The following HNRNPR variants were observed in gnomAD, a reference collection of about 807,000 sequenced individuals.
HNRNPR encodes heterogeneous nuclear ribonucleoprotein R.
In HNRNPR, 4 loss-of-function variants were observed where a neutral mutation model predicts 70.3. The ratio of observed to expected loss-of-function variants is 0.06; its 90% CI spans 0.03 to 0.13. HNRNPR has a LOEUF of 0.13. Among genes scored for constraint, HNRNPR ranks in the 10% least tolerant of loss-of-function variants. The probability of loss-of-function intolerance (pLI) is 1.00; values close to 1 mark genes in which losing one functional copy is unlikely to be tolerated. For synonymous variants in HNRNPR, 241 were observed against 267.6 expected (o/e 0.90, Z 0.97); for missense variants, 423 against 788.5 (o/e 0.54, Z 5.55).
chr1:23,323,822 CAGA>C (rs1645851928), intron 5 of HNRNPR, 90 bp from the exon 6 acceptor site: 33 of 985,878 alleles, frequency 3.3e-5, no homozygotes, highest in Non-Finnish European at 5.1e-5. Flanking sequence ...AAGATGGGGG[CAGA>C]AGAAGATGGT....
chr1:23,329,667 C>T (rs762485823), intron 5 of HNRNPR, among the ~76,000 whole-genome samples: 7 of 152,150 alleles, frequency 4.6e-5, no homozygotes, highest in Non-Finnish European at 8.8e-5. Context: ...GTACTTGCTC[C>T]GTCACCCAGG....
intron 4 of HNRNPR, among the ~76,000 whole-genome samples, chr1:23,336,450 T>C (rs1164078957): frequency 2.0e-5 from 3 of 151,186 alleles, no homozygotes; most frequent in Admixed American, 1.3e-4. Context: ...CAGGCACCTG[T>C]GGTCCCAGCT....
rs766971961 is a variant in HNRNPR at position 23,311,011 on chromosome 1, G to A, written c.1345C>T (p.Arg449Trp). Residue 449 changes from arginine to tryptophan, a missense_variant, in exon 11 of 11, where the codon CGG becomes TGG. Around this residue, in one of 7 missense-constraint regions of HNRNPR, gnomAD observed 169 missense variants for 195.6 expected, o/e 0.86. Transcript: ENST00000302271. Reference protein sequence around the residue: ...PPRMPPPIRGRGRGGGRGGYG... With the variant: ...PPRMPPPIRGWGRGGGRGGYG... Reference sequence around the variant, plus strand: ...CCACCTCTCCCCCCACCACGACCCCGACCTCTAATTGGAGGTGGCATGCGA... The same window carrying A: ...CCACCTCTCCCCCCACCACGACCCCAACCTCTAATTGGAGGTGGCATGCGA... 5.6e-6 allele frequency: 9 copies of A among 1,614,038 alleles called. No individual in the cohort carries two copies. Among genetic ancestry groups the A allele is most frequent in the East Asian group, 4.5e-5 (2 of 44,882 alleles).
At chr1:23,341,487 G>T (rs1011544368) in intron 1 of HNRNPR, among the ~76,000 whole-genome samples, 6 of 151,996 alleles carry the variant, frequency 3.9e-5, no homozygotes, top group Non-Finnish European at 1.5e-5. Flanking sequence ...ATACAGTATC[G>T]GTGTGAAATA....
At chr1:23,312,629 A>T (rs1255665440) in intron 9 of HNRNPR, among the ~76,000 whole-genome samples, 2 of 152,224 alleles carry the variant, frequency 1.3e-5, no homozygotes, top group East Asian at 3.8e-4. Flanking sequence ...CTCATTAATT[A>T]GCTACCATCA....
intron 6 of HNRNPR, 93 bp downstream of exon 6, chr1:23,323,463 G>A: frequency 8.4e-7 from 1 of 1,190,248 alleles, no homozygotes; most frequent in Non-Finnish European, 1.2e-6. Flanking sequence ...AACAACTGAA[G>A]AAATCAAAAT....
chr1:23,306,480 C>G lies in HNRNPR; in HGVS notation c.*3974G>C, dbSNP rs955598121. On this transcript the variant is annotated 3_prime_UTR_variant, in exon 11 of 11. Transcript: ENST00000302271. ...AAGTCGACATCATGACATGTCAGGT[C>G]AGGGCAGCCTCAACCTCGCTTCCCT... is the stretch of plus-strand genomic sequence containing the variant. 6.6e-6 allele frequency: 1 copy of G among 151,842 alleles called. No homozygotes were observed. Among genetic ancestry groups the G allele is most frequent in the African/African-American group, 2.4e-5 (1 of 41,342 alleles). 9.4% of individuals were successfully genotyped at this position (151,842 alleles called of 1,614,324 possible).
Position 23,323,296 on chromosome 1 carries a change from A to AAACTTCTGATATCAATCTAATAGAT in HNRNPR, c.675+235_675+259dup, listed in dbSNP as rs369970388. 8.6e-3 allele frequency among the ~76,000 whole-genome samples: 1,317 copies of AAACTTCTGATATCAATCTAATAGAT among 152,268 alleles called. 14 individuals are homozygous for AAACTTCTGATATCAATCTAATAGAT. Among genetic ancestry groups the AAACTTCTGATATCAATCTAATAGAT allele is most frequent in the African/African-American group, 0.03 (1,259 of 41,526 alleles). Reference sequence around the variant, plus strand: ...AATGCATAAGCCAAATACTCATATGAAACTTCTGATATCAATCTAATAGAT... The same window carrying AAACTTCTGATATCAATCTAATAGAT: ...AATGCATAAGCCAAATACTCATATGAAACTTCTGATATCAATCTAATAGATAACTTCTGATATCAATCTAATAGAT... On this transcript the variant is annotated intron_variant, in intron 6 of 10. Coordinates refer to ENST00000302271, the MANE Select transcript of HNRNPR (RefSeq NM_005826.5).
chr1:23,343,307 G>A (rs1445311055), intron 1 of HNRNPR, among the ~76,000 whole-genome samples: 6 of 152,192 alleles, frequency 3.9e-5, no homozygotes, highest in Non-Finnish European at 7.3e-5. Flanking sequence ...TTCATATTAA[G>A]AGACGGGCTT....
rs765435170 is a variant in HNRNPR, at chr1:23,310,916, G to A, written c.1440C>T (p.His480=). ...GATCTTCATAGCCTCCACGATAGTCGTGATAATCATAACCATAGTAATCAT... is the reference window on the plus strand; with the variant it reads ...GATCTTCATAGCCTCCACGATAGTCATGATAATCATAACCATAGTAATCAT... ...YYDDYYGYDY[H]DYRGGYEDPY... Residue 480 remains histidine, a synonymous_variant, in exon 11 of 11, where the codon CAC becomes CAT. Coordinates refer to ENST00000302271, the MANE Select transcript of HNRNPR (RefSeq NM_005826.5). The surrounding 1 kb of genome is among the most constrained non-coding windows in gnomAD (Gnocchi z 6.0). The A allele has an allele frequency of 9.9e-6, 16 of 1,613,912 alleles. No individual in the cohort carries two copies. Among genetic ancestry groups the A allele is most frequent in the East Asian group, 4.5e-5 (2 of 44,888 alleles).
At chr1:23,323,432 C>G in intron 6 of HNRNPR, 124 bp downstream of exon 6, 1 of 817,610 alleles carries the variant, frequency 1.2e-6, no homozygotes, top group Non-Finnish European at 1.9e-6. Context: ...CCAACTTGGT[C>G]AGTATAAAAA....
intron 8 of HNRNPR, among the ~76,000 whole-genome samples, chr1:23,315,279 CAAAAAAAAAAAAAAA>C: frequency 2.8e-5 from 1 of 35,392 alleles, no homozygotes; most frequent in South Asian, 9.9e-4. Flanking sequence ...GGCTCCGTCT[CAAAAAAAAAAAAAAA>C]AAAAAAAAAA....
At chr1:23,325,939 T>C (rs1039959827) in intron 5 of HNRNPR, among the ~76,000 whole-genome samples, 3 of 152,168 alleles carry the variant, frequency 2.0e-5, no homozygotes, top group Non-Finnish European at 4.4e-5. Context: ...TGGCTCACTA[T>C]ATCCTCACAC....
intron 5 of HNRNPR, among the ~76,000 whole-genome samples, chr1:23,332,121 G>A (rs1646257824): frequency 6.6e-6 from 1 of 151,834 alleles, no homozygotes; most frequent in African/African-American, 2.4e-5. Flanking sequence ...GACAGAGCGA[G>A]ACTGAATGGA....
chr1:23,310,810 T>A lies in HNRNPR; in HGVS notation c.1546A>T (p.Arg516Trp), dbSNP rs879175654. 1 of 1,613,856 alleles carries A rather than the reference T, an allele frequency of 6.2e-7. No homozygotes were observed. Among genetic ancestry groups the A allele is most frequent in the Non-Finnish European group, 8.5e-7 (1 of 1,179,926 alleles). The change falls in exon 11 of 11, where the codon AGG becomes TGG. Residue 516 changes from arginine to tryptophan, a missense_variant. Physicochemically the swap from Arg to Trp is moderately radical, Grantham distance 101. Transcript: ENST00000302271. The surrounding 1 kb of genome is among the most constrained non-coding windows in gnomAD (Gnocchi z 6.0). ...RGGRGAPPPP[R>W]GRGAPPPRGR... Reference sequence around the variant, plus strand: ...CTTGGAGGTGGTGCTCCCCTCCCCCTTGGTGGTGGTGGAGCACCTCGCCCT... The same window carrying A: ...CTTGGAGGTGGTGCTCCCCTCCCCCATGGTGGTGGTGGAGCACCTCGCCCT...
intron 5 of HNRNPR, among the ~76,000 whole-genome samples, chr1:23,327,940 T>C (rs1002982262): frequency 2.0e-5 from 3 of 147,980 alleles, no homozygotes; most frequent in African/African-American, 7.5e-5. Context: ...GAAGTATCAC[T>C]TGAGGCCAGC....
rs879082780 is a variant in HNRNPR at position 23,323,807 on chromosome 1, T to G, written c.499-75A>C. ...AGCCATAAAGCCTACTGCCTTTTTT[T>G]TTTAAAGATGGGGGCAGAAGAAGAT... On this transcript the variant is annotated intron_variant, in intron 5 of 10. Transcript: ENST00000302271. 8 of 1,200,368 alleles carry G rather than the reference T, an allele frequency of 6.7e-6. 1 individual carries two copies. The South Asian group carries it at 7.8e-5, about 12-fold the overall frequency. 74.4% of individuals were successfully genotyped at this position (1,200,368 alleles called of 1,614,324 possible).
intron 4 of HNRNPR, among the ~76,000 whole-genome samples, chr1:23,336,394 T>C (rs938041236): frequency 2.7e-5 from 4 of 150,418 alleles, no homozygotes; most frequent in African/African-American, 9.8e-5. Flanking sequence ...TGAAACCCTG[T>C]CTCTACTAAA....
At chr1:23,326,635 A>C (rs1645987038) in intron 5 of HNRNPR, among the ~76,000 whole-genome samples, 1 of 152,046 alleles carries the variant, frequency 6.6e-6, no homozygotes, top group Admixed American at 6.6e-5. Flanking sequence ...AAATACAAAA[A>C]TTGGCCAGGC....
Sources: allele counts gnomAD v4.1 joint callset (sites outside exome capture counted in the v4.1 genomes callset), GRCh38; gene constraint gnomAD v4.1.1; regional missense constraint gnomAD v4.1.1; non-coding constraint Gnocchi (gnomAD v3.1); transcripts MANE v1.5; gene names NCBI Gene and HGNC (gene_info 2026-07-23, HGNC 2026-07-21).